SDK1: variants seen among roughly 807,000 people sequenced by gnomAD.
The protein encoded by SDK1 is protein sidekick-1.
In SDK1, 157 loss-of-function variants were observed where a neutral mutation model predicts 245.5. That is an observed-to-expected ratio of 0.64 (90% CI 0.56 to 0.73). SDK1 has a LOEUF of 0.73. Among genes scored for constraint, SDK1 ranks in the 30% least tolerant of loss-of-function variants. The pLI, the probability that SDK1 is intolerant of heterozygous loss-of-function variation, is 0.00. For synonymous variants in SDK1, 1,647 were observed against 1,278.5 expected (o/e 1.29, Z -6.15); for missense variants, 3,583 against 3,002.3 (o/e 1.19, Z -4.52).
intron 5 of SDK1, among the ~76,000 whole-genome samples, chr7:3,908,465 C>T (rs1320026577): frequency 6.6e-6 from 1 of 152,174 alleles, no homozygotes; most frequent in African/African-American, 2.4e-5. Flanking sequence ...ACTCAGCGGT[C>T]CACTCAGCTG....
chr7:4,197,916 C>T (rs1412235977), intron 35 of SDK1, among the ~76,000 whole-genome samples: 1 of 152,224 alleles, frequency 6.6e-6, no homozygotes, highest in Non-Finnish European at 1.5e-5. Context: ...TTAAAGGTTA[C>T]TCTCATTTCT....
intron 40 of SDK1, among the ~76,000 whole-genome samples, chr7:4,225,349 G>A (rs1049932894): frequency 5.9e-5 from 9 of 152,168 alleles, no homozygotes; most frequent in African/African-American, 1.2e-4. Context: ...CACGGTGTCC[G>A]TCCTCCCCAG....
intron 17 of SDK1, among the ~76,000 whole-genome samples, chr7:4,039,146 C>A (rs1402619869): frequency 7.2e-6 from 1 of 138,010 alleles, no homozygotes; most frequent in Non-Finnish European, 1.5e-5. Flanking sequence ...ACACCGGGGC[C>A]TGTTGTGGGG....
chr7:4,000,476 C>G (rs558587567), intron 14 of SDK1, among the ~76,000 whole-genome samples: 201 of 152,284 alleles, frequency 1.3e-3, no homozygotes, highest in African/African-American at 4.7e-3. Context: ...AGGAGAGGTT[C>G]TTCCTCCACA....
At chr7:3,494,950 C>G (rs1781979846) in intron 1 of SDK1, among the ~76,000 whole-genome samples, 1 of 152,282 alleles carries the variant, frequency 6.6e-6, no homozygotes, top group East Asian at 1.9e-4. Context: ...GAGTTACAAG[C>G]CATTATTTCT....
chr7:3,639,971 C>A (rs536570571), intron 3 of SDK1, among the ~76,000 whole-genome samples: 1 of 152,192 alleles, frequency 6.6e-6, no homozygotes, highest in South Asian at 2.1e-4. Context: ...CTCAGCCTCC[C>A]GAGTAGCTAG....
At chr7:3,322,109 A>C (rs1779829706) in intron 1 of SDK1, among the ~76,000 whole-genome samples, 1 of 151,472 alleles carries the variant, frequency 6.6e-6, no homozygotes, top group Non-Finnish European at 1.5e-5. Context: ...CTGTGTGATC[A>C]CCACCTCTAG....
chr7:3,357,482 C>T (rs1780836150), intron 1 of SDK1, among the ~76,000 whole-genome samples: 1 of 150,934 alleles, frequency 6.6e-6, no homozygotes, highest in Non-Finnish European at 1.5e-5. Context: ...TCCCTGGCAT[C>T]TGGGTTTCAG....
intron 1 of SDK1, among the ~76,000 whole-genome samples, chr7:3,496,971 A>C (rs1358218063): frequency 6.6e-6 from 1 of 152,130 alleles, no homozygotes; most frequent in African/African-American, 2.4e-5. Context: ...TTTAATTTCT[A>C]TCCCTCCACA....
At chr7:3,782,550 T>G (rs1780778431) in intron 4 of SDK1, among the ~76,000 whole-genome samples, 1 of 152,082 alleles carries the variant, frequency 6.6e-6, no homozygotes, top group Non-Finnish European at 1.5e-5. Context: ...AAGACAAAAA[T>G]TCCGAGAGCA....
At position 3,317,180 on chromosome 7, in the gene SDK1, C is replaced by CAAAAA. The variant is rs57138474; in HGVS notation, c.298+15320_298+15324dup. Among the ~76,000 whole-genome samples the CAAAAA allele has an allele frequency of 1.1e-3, 37 of 32,734 alleles. 2 individuals are homozygous for CAAAAA. Among genetic ancestry groups the CAAAAA allele is most frequent in the South Asian group, 1.8e-3 (1 of 558 alleles). The allele number at this position is 32,734 out of a possible 152,430, so 21.5% of individuals were successfully genotyped here. A position where few individuals can be genotyped will look rare whatever the true frequency, so the allele number is the denominator to read the frequency against. ...TGGGCAACAGAGTGAGACTCTGTCT[C>CAAAAA]AAAAAAAAAAAAAAAAAAAAAAAAA... is the stretch of plus-strand genomic sequence containing the variant. On this transcript the variant is annotated intron_variant, in intron 1 of 44. Coordinates refer to ENST00000404826, the MANE Select transcript of SDK1 (RefSeq NM_152744.4).
chr7:3,447,391 T>A (rs371168024), intron 1 of SDK1, among the ~76,000 whole-genome samples: 9 of 151,986 alleles, frequency 5.9e-5, no homozygotes, highest in African/African-American at 1.9e-4. Context: ...TATCTCTTCA[T>A]ACTCTTCCCC....
chr7:4,152,272 G>A (rs1780435760), intron 30 of SDK1, among the ~76,000 whole-genome samples: 1 of 152,186 alleles, frequency 6.6e-6, no homozygotes, highest in African/African-American at 2.4e-5. Context: ...GAGGGGCACA[G>A]CTCTCTCCCC....
intron 19 of SDK1, among the ~76,000 whole-genome samples, chr7:4,065,498 C>T (rs1474106312): frequency 6.6e-6 from 1 of 152,040 alleles, no homozygotes; most frequent in East Asian, 1.9e-4. Context: ...CCTTCTCCAT[C>T]GATTGAAAAA....
At chr7:3,881,974 A>C (rs1417357387) in intron 5 of SDK1, among the ~76,000 whole-genome samples, 1 of 152,116 alleles carries the variant, frequency 6.6e-6, no homozygotes, top group Non-Finnish European at 1.5e-5. Context: ...AGACTGGGTA[A>C]TTTATAAAGA....
At chr7:3,479,444 A>G (rs1393144131) in intron 1 of SDK1, among the ~76,000 whole-genome samples, 4 of 138,526 alleles carry the variant, frequency 2.9e-5, no homozygotes, top group African/African-American at 8.1e-5. Context: ...AAAAAAAAAA[A>G]GAATATCTAT....
At position 4,049,359 on chromosome 7, in the gene SDK1, C is replaced by A. The variant is rs780528969; in HGVS notation, c.2614C>A (p.Pro872Thr). ...CTGCCCTGCCACAGTGCCCACCGCG[C>A]CCCCGCAGAACGTGCAGACGGAAGC... ...EYTLQGVPTA[P>T]PQNVQTEAVN... The change falls in exon 18 of 45, where the codon CCC (proline) becomes ACC (threonine). Residue 872 changes from proline (P) to threonine (T), a missense_variant. Pro to Thr is a conservative substitution (Grantham distance 38). Transcript: ENST00000404826. 1.9e-5 allele frequency: 30 copies of A among 1,613,896 alleles called. No individual in the cohort carries two copies. The highest frequency in any genetic ancestry group is 2.3e-5 in the Non-Finnish European group (27 of 1,179,918).
intron 12 of SDK1, among the ~76,000 whole-genome samples, chr7:3,973,408 C>T (rs1317484768): frequency 6.6e-6 from 1 of 152,236 alleles, no homozygotes; most frequent in African/African-American, 2.4e-5. Flanking sequence ...AGTGCTGGCC[C>T]TGCCCGTGGT....
intron 4 of SDK1, among the ~76,000 whole-genome samples, chr7:3,687,387 A>T (rs113670289): frequency 0.26 from 39,611 of 151,960 alleles, 7,804 homozygotes; most frequent in African/African-American, 0.54. Flanking sequence ...TCAGCCTCCC[A>T]AAGTGCTGGG....
Sources: gnomAD v4.1 joint callset for allele counts (sites outside exome capture counted in the v4.1 genomes callset) on GRCh38, gnomAD v4.1.1 for gene constraint, MANE v1.5 for transcripts, NCBI Gene and HGNC (gene_info 2026-07-23, HGNC 2026-07-21) for gene names.